Variants in CMSS1 observed in about 807,000 individuals in gnomAD.
The protein encoded by CMSS1 is cms1 ribosomal small subunit homolog.
CMSS1 carries 33 observed loss-of-function variants against 43.5 expected under a neutral mutation model. The ratio of observed to expected loss-of-function variants is 0.76; its 90% CI spans 0.57 to 1.01. CMSS1 has a LOEUF of 1.01. Ranked by LOEUF, CMSS1 falls within the 50% of genes least tolerant of loss-of-function variation. CMSS1 has a pLI of 0.00. For missense variants in CMSS1, 313 were observed against 326.4 expected, an observed-to-expected ratio of 0.96 and a Z score of 0.32; for synonymous variants, 115 against 117.2, an observed-to-expected ratio of 0.98 and a Z score of 0.12.
At chr3:100,042,876 GC>G (rs998450915) in intron 1 of CMSS1, among the ~76,000 whole-genome samples, 1 of 152,234 alleles carries the variant, frequency 6.6e-6, no homozygotes, top group Non-Finnish European at 1.5e-5. Context: ...GAGGAATAGA[GC>G]CAAAGTTCCC....
chr3:100,005,988 G>A (rs890577467), intron 1 of CMSS1, among the ~76,000 whole-genome samples: 1 of 152,162 alleles, frequency 6.6e-6, no homozygotes, highest in Non-Finnish European at 1.5e-5. Context: ...AACCAGAATG[G>A]AGAATGGTAG....
chr3:100,173,681 C>T (rs1004799794), intron 8 of CMSS1, among the ~76,000 whole-genome samples: 1 of 152,092 alleles, frequency 6.6e-6, no homozygotes, highest in East Asian at 1.9e-4. Context: ...TTGAAATAGG[C>T]CGGGAGGGTC....
intron 1 of CMSS1, among the ~76,000 whole-genome samples, chr3:99,819,073 T>G (rs1206848768): frequency 6.6e-6 from 1 of 152,256 alleles, no homozygotes; most frequent in South Asian, 2.1e-4. Flanking sequence ...GCAAACAATC[T>G]TGAAATACTA....
chr3:99,876,383 TGGTGGGCC>T (rs147852464), intron 1 of CMSS1, among the ~76,000 whole-genome samples: 3 of 151,782 alleles, frequency 2.0e-5, no homozygotes, highest in African/African-American at 7.3e-5. Context: ...AGGGAATGAG[TGGTGGGCC>T]GGTGGGCCGG....
At chr3:100,138,513 C>G (rs1190794058) in intron 1 of CMSS1, among the ~76,000 whole-genome samples, 2 of 152,088 alleles carry the variant, frequency 1.3e-5, no homozygotes, top group Non-Finnish European at 2.9e-5. Flanking sequence ...ACAACCCCAT[C>G]AAAAAGTAGG....
chr3:99,995,537 C>T (rs1025388650), intron 1 of CMSS1, among the ~76,000 whole-genome samples: 1 of 152,198 alleles, frequency 6.6e-6, no homozygotes, highest in Non-Finnish European at 1.5e-5. Flanking sequence ...CTCCACTAGG[C>T]AGTGCCCAAG....
rs772349322 is a variant in CMSS1 at position 100,162,404 on chromosome 3, G to C, written c.327G>C (p.Val109=). 4 of 1,613,018 alleles carry C rather than the reference G, an allele frequency of 2.5e-6. No individual in the cohort carries two copies. The highest frequency in any genetic ancestry group is 3.3e-4 in the Middle Eastern group (2 of 6,056). Residue 109 remains valine (V), a synonymous_variant, in exon 4 of 10, where the codon GTG becomes GTC. Coordinates refer to ENST00000421999, the MANE Select transcript of CMSS1 (RefSeq NM_032359.4). ...MKDYYSSRRL[V]IELEELNLPD... ...ACTATTATAGCAGCAGACGCTTGGT[G>C]ATTGAATTAGAAGAACTGAACCTGC...
In CMSS1 at chr3:100,145,427, G is replaced by A. The variant is rs547508957; in HGVS notation, c.65-1546G>A. Among the ~76,000 whole-genome samples, 61 of 151,464 alleles carry A rather than the reference G, an allele frequency of 4.0e-4. 1 individual carries two copies. Among genetic ancestry groups the A allele is most frequent in the African/African-American group, 1.3e-3 (55 of 41,142 alleles). The stretch of plus-strand genomic sequence containing the variant: ...CACACCATTGCACTCCAGCCTGGGC[G>A]ACAGAGAGAGATTCCGTCTCAAAAA... On this transcript the variant is annotated intron_variant, in intron 1 of 9. Coordinates refer to ENST00000421999, the MANE Select transcript of CMSS1 (RefSeq NM_032359.4).
intron 1 of CMSS1, among the ~76,000 whole-genome samples, chr3:99,919,795 G>A (rs1024115005): frequency 6.6e-6 from 1 of 152,130 alleles, no homozygotes; most frequent in African/African-American, 2.4e-5. Context: ...AGGGAGAGGT[G>A]GAAGTGCTTT....
chr3:99,865,478 T>A (rs1233354742), intron 1 of CMSS1, among the ~76,000 whole-genome samples: 3 of 152,210 alleles, frequency 2.0e-5, no homozygotes, highest in Non-Finnish European at 2.9e-5. Flanking sequence ...TCCTATAGGT[T>A]CATGGCTACT....
chr3:99,958,589 T>C (rs1559703681), intron 1 of CMSS1, among the ~76,000 whole-genome samples: 1 of 152,154 alleles, frequency 6.6e-6, no homozygotes, highest in Non-Finnish European at 1.5e-5. Flanking sequence ...CTACGGTTAG[T>C]AGAATTAGAC....
intron 1 of CMSS1, chr3:99,848,278 T>TTA: frequency 1.9e-6 from 3 of 1,613,426 alleles, no homozygotes; most frequent in Admixed American, 1.7e-5. Context: ...GCGTGGTCAG[T>TTA]TATATATATT....
At chr3:99,859,608 T>C (rs1327305390) in intron 1 of CMSS1, among the ~76,000 whole-genome samples, 2 of 152,250 alleles carry the variant, frequency 1.3e-5, no homozygotes, top group African/African-American at 2.4e-5. Context: ...ATAGCCTGAT[T>C]ATGATTATAT....
intron 1 of CMSS1, among the ~76,000 whole-genome samples, chr3:100,092,202 G>A (rs1248007057): frequency 1.3e-5 from 2 of 152,162 alleles, no homozygotes; most frequent in Non-Finnish European, 2.9e-5. Context: ...TAAATAGGAG[G>A]TAGAAAAGAG....
chr3:100,133,525 A>T (rs757174375), intron 1 of CMSS1, among the ~76,000 whole-genome samples: 1 of 152,128 alleles, frequency 6.6e-6, no homozygotes, highest in Non-Finnish European at 1.5e-5. Flanking sequence ...TTTTTATATG[A>T]AGGAAAAGGG....
chr3:100,118,657 C>T (rs1214432835), intron 1 of CMSS1, among the ~76,000 whole-genome samples: 1 of 152,156 alleles, frequency 6.6e-6, no homozygotes, highest in African/African-American at 2.4e-5. Flanking sequence ...GTTTAAGCTT[C>T]CTTGGGTCCA....
chr3:100,163,014 TAATAGTTTTAACTGATAGATTATATCA>T (rs1392344616), intron 4 of CMSS1, among the ~76,000 whole-genome samples: 2 of 152,212 alleles, frequency 1.3e-5, no homozygotes, highest in Admixed American at 6.5e-5. Flanking sequence ...TTCCTCAATC[TAATAGTTTTAACTGATAGATTATATCA>T]AATAGTTTTA....
intron 1 of CMSS1, among the ~76,000 whole-genome samples, chr3:99,863,307 C>T (rs964081753): frequency 1.3e-5 from 2 of 152,174 alleles, no homozygotes; most frequent in African/African-American, 4.8e-5. Flanking sequence ...GTAATGCTGC[C>T]TCATCCCGCT....
At chr3:99,929,838 C>T in intron 1 of CMSS1, 1 of 1,596,320 alleles carries the variant, frequency 6.3e-7, no homozygotes, top group Non-Finnish European at 8.5e-7. Flanking sequence ...AGGTACACAC[C>T]CCTATTGTGG....
Sources: allele counts gnomAD v4.1 joint callset (sites outside exome capture counted in the v4.1 genomes callset), GRCh38; gene constraint gnomAD v4.1.1; transcripts MANE v1.5; gene names NCBI Gene and HGNC (gene_info 2026-07-23, HGNC 2026-07-21).